Variants in PPFIA2 observed in about 807,000 individuals in gnomAD.
PPFIA2 encodes the protein liprin-alpha-2.
A neutral mutation model predicts 175.5 loss-of-function variants in PPFIA2; 46 were observed. The ratio of observed to expected loss-of-function variants is 0.26; its 90% confidence interval spans 0.21 to 0.34. The LOEUF (loss-of-function observed/expected upper bound fraction) is 0.34. PPFIA2 is among the 10% of genes least tolerant of loss of function. PPFIA2 has a pLI of 1.00. For synonymous variants in PPFIA2, 568 were observed against 511.4 expected (o/e 1.11, Z -1.49); for missense variants, 1,179 against 1,506.1 (o/e 0.78, Z 3.60).
intron 11 of PPFIA2, among the ~76,000 whole-genome samples, chr12:81,372,290 T>G (rs2035323848): frequency 1.3e-5 from 2 of 150,504 alleles, no homozygotes; most frequent in South Asian, 2.1e-4. Flanking sequence ...GAGAAAGACC[T>G]AGAAAAAAGA....
intron 22 of PPFIA2, among the ~76,000 whole-genome samples, chr12:81,311,765 GAA>G (rs2050955684): frequency 7.0e-6 from 1 of 143,784 alleles, no homozygotes; most frequent in Admixed American, 6.9e-5. Context: ...AAGAAAGAAA[GAA>G]AGAAAGGTGG....
At chr12:81,609,563 A>T (rs1215453498) in intron 4 of PPFIA2, among the ~76,000 whole-genome samples, 1 of 152,168 alleles carries the variant, frequency 6.6e-6, no homozygotes, top group Non-Finnish European at 1.5e-5. Flanking sequence ...TATTGGTGAA[A>T]AGTCTGTTTC....
At position 81,637,263 on chromosome 12, in the gene PPFIA2, T is replaced by A. The variant is rs1251403186; in HGVS notation, c.303+39528A>T. ...TTTTTTTTTTTTTTTTTTTTTTTTT[T>A]TTTTTTTTTTTTTTTTTTTTAGTAG... On this transcript the variant is annotated intron_variant, in intron 4 of 32. Coordinates refer to ENST00000549396, the MANE Select transcript of PPFIA2 (RefSeq NM_003625.5). 1.6e-3 allele frequency among the ~76,000 whole-genome samples: 159 copies of A among 98,216 alleles called. 5 individuals carry two copies. The highest frequency in any genetic ancestry group is 5.3e-3 in the African/African-American group (152 of 28,440). The allele number at this position is 98,216 out of a possible 152,430, so 64.4% of individuals were successfully genotyped here.
chr12:81,656,849 T>C (rs1219601390), intron 4 of PPFIA2, among the ~76,000 whole-genome samples: 1 of 151,958 alleles, frequency 6.6e-6, no homozygotes, highest in African/African-American at 2.4e-5. Flanking sequence ...TAGATTAAAA[T>C]ACCTCTTTGA....
At chr12:81,458,958 T>C (rs1283887933) in intron 4 of PPFIA2, among the ~76,000 whole-genome samples, 12 of 152,122 alleles carry the variant, frequency 7.9e-5, no homozygotes, top group Admixed American at 7.9e-4. Context: ...TTGGTTAACC[T>C]AACCTCCAGG....
At chr12:81,557,407 T>G (rs2153383246) in intron 4 of PPFIA2, among the ~76,000 whole-genome samples, 1 of 152,074 alleles carries the variant, frequency 6.6e-6, no homozygotes. Context: ...AATCCCCATA[T>G]CTTAAATGGA....
chr12:81,269,881 T>C (rs1178691631), intron 28 of PPFIA2, among the ~76,000 whole-genome samples: 2 of 152,204 alleles, frequency 1.3e-5, no homozygotes, highest in Middle Eastern at 3.4e-3. Context: ...GTGAGTAGAT[T>C]CCACTTTGGG....
intron 4 of PPFIA2, among the ~76,000 whole-genome samples, chr12:81,539,096 T>G (rs935636269): frequency 1.3e-4 from 20 of 151,952 alleles, no homozygotes; most frequent in Admixed American, 6.6e-5. Flanking sequence ...TTTCAAGATT[T>G]TATACTAATC....
intron 7 of PPFIA2, among the ~76,000 whole-genome samples, chr12:81,436,525 T>C (rs1461513596): frequency 6.6e-6 from 1 of 151,962 alleles, no homozygotes; most frequent in Non-Finnish European, 1.5e-5. Context: ...GTTCTTATCC[T>C]AAAGCTGCTA....
chr12:81,623,856 GCTACATTTTGGGTA>G (rs2062363404), intron 4 of PPFIA2, among the ~76,000 whole-genome samples: 1 of 151,800 alleles, frequency 6.6e-6, no homozygotes, highest in Non-Finnish European at 1.5e-5. Flanking sequence ...AAACAAGGCA[GCTACATTTTGGGTA>G]CTACTTAAAT....
intron 5 of PPFIA2, among the ~76,000 whole-genome samples, chr12:81,454,626 T>C (rs1285744161): frequency 3.3e-5 from 5 of 152,180 alleles, no homozygotes; most frequent in Admixed American, 6.5e-5. Flanking sequence ...CAAATATCAT[T>C]ATACAGAAGG....
intron 3 of PPFIA2, among the ~76,000 whole-genome samples, chr12:81,723,007 A>C (rs186782480): frequency 2.6e-5 from 4 of 151,204 alleles, no homozygotes; most frequent in Non-Finnish European, 5.9e-5. Flanking sequence ...TATAACACCA[A>C]AGAACAGGAC....
chr12:81,358,138 T>C lies in PPFIA2; in HGVS notation c.1717A>G (p.Lys573Glu). 1.1e-5 allele frequency: 17 copies of C among 1,601,932 alleles called. No individual in the cohort carries two copies. Among genetic ancestry groups the C allele is most frequent in the Non-Finnish European group, 1.4e-5 (16 of 1,173,762 alleles). Residue 573 changes from lysine to glutamate, a missense_variant, in exon 16 of 33, where the codon AAA becomes GAA. Lys to Glu is a moderately conservative substitution (Grantham distance 56). Transcript: ENST00000549396. ...VDSQSDYRTT[K>E]VIRRPRRGRM... ...CCTCTCCTTGGTCTTCTTATTACTT[T>C]AGTTGTTCTGTAATCAGACTGGCTG... is the stretch of plus-strand genomic sequence containing the variant.
chr12:81,631,174 G>A (rs907468473), intron 4 of PPFIA2, among the ~76,000 whole-genome samples: 7 of 152,032 alleles, frequency 4.6e-5, no homozygotes, highest in South Asian at 2.1e-4. Flanking sequence ...GGAATTACAC[G>A]CATGAGCCAT....
chr12:81,341,423 T>G (rs1433983170), intron 19 of PPFIA2, among the ~76,000 whole-genome samples: 1 of 143,582 alleles, frequency 7.0e-6, no homozygotes, highest in African/African-American at 2.6e-5. Context: ...TAAAAAAAAA[T>G]CATAGACCCA....
intron 19 of PPFIA2, among the ~76,000 whole-genome samples, chr12:81,343,486 T>C (rs2058505733): frequency 6.6e-6 from 1 of 152,134 alleles, no homozygotes; most frequent in African/African-American, 2.4e-5. Flanking sequence ...TAATTCCATC[T>C]ATTCAAGCCA....
intron 3 of PPFIA2, among the ~76,000 whole-genome samples, chr12:81,736,772 T>C (rs1325140075): frequency 6.6e-6 from 1 of 152,066 alleles, no homozygotes; most frequent in East Asian, 1.9e-4. Flanking sequence ...TTAGACAAAG[T>C]CTCTGTCTGT....
At position 81,757,960 on chromosome 12, in the gene PPFIA2, G is replaced by T. The variant is rs148843505; in HGVS notation, c.-3+440C>A. 9.1e-4 allele frequency among the ~76,000 whole-genome samples: 138 copies of T among 152,264 alleles called. No homozygotes were observed. In the Middle Eastern group the frequency reaches 0.014, roughly 15 times the overall value. Reference sequence around the variant, plus strand: ...GAGTAATTCAGTGAGAGAAATCCTAGCCATTGTCTGATTACATTACATGAA... The same window carrying T: ...GAGTAATTCAGTGAGAGAAATCCTATCCATTGTCTGATTACATTACATGAA... On this transcript the variant is annotated intron_variant, in intron 2 of 32. Transcript: ENST00000549396.
intron 3 of PPFIA2, among the ~76,000 whole-genome samples, chr12:81,732,859 T>C (rs1484747533): frequency 2.0e-5 from 3 of 151,416 alleles, no homozygotes; most frequent in Non-Finnish European, 1.5e-5. Context: ...GAATATTTTC[T>C]ACAAAGCACA....
Sources: allele counts gnomAD v4.1 joint callset (sites outside exome capture counted in the v4.1 genomes callset), GRCh38; gene constraint gnomAD v4.1.1; transcripts MANE v1.5; gene names NCBI Gene and HGNC (gene_info 2026-07-23, HGNC 2026-07-21).